Variants in TRIM5 observed in about 807,000 individuals in gnomAD.
The protein encoded by TRIM5 is tripartite motif-containing protein 5.
In TRIM5, 31 loss-of-function variants were observed where a neutral mutation model predicts 35.6. That is an observed-to-expected ratio of 0.87 (90% CI 0.65 to 1.18). The LOEUF (loss-of-function observed/expected upper bound fraction) is 1.18. TRIM5 is among the 50% of genes most tolerant of loss of function. The pLI, the probability that TRIM5 is intolerant of heterozygous loss-of-function variation, is 0.00. For synonymous variants in TRIM5, 243 were observed against 215.6 expected, an observed-to-expected ratio of 1.13 and a Z score of -1.11; for missense variants, 609 against 591.6, an observed-to-expected ratio of 1.03 and a Z score of -0.31.
At chr11:5,629,304 G>T in the TRIM5 span, among the ~76,000 whole-genome samples, 4 of 152,054 alleles carry the variant, frequency 2.6e-5, no homozygotes, top group East Asian at 3.9e-4. Context: ...ACAGGTCATT[G>T]AATTTAGGGC....
chr11:5,625,318 C>A, the TRIM5 span, among the ~76,000 whole-genome samples: 1 of 152,186 alleles, frequency 6.6e-6, no homozygotes, highest in Non-Finnish European at 1.5e-5. Flanking sequence ...CAGGCTGAAT[C>A]TATTTCCATT....
the TRIM5 span, among the ~76,000 whole-genome samples, chr11:5,607,846 C>A: frequency 1.3e-5 from 2 of 152,206 alleles, no homozygotes; most frequent in Non-Finnish European, 2.9e-5. Flanking sequence ...TAATCAAAAT[C>A]ATAAGGAAAG....
At chr11:5,629,844 A>T in the TRIM5 span, among the ~76,000 whole-genome samples, 22 of 152,070 alleles carry the variant, frequency 1.4e-4, no homozygotes, top group Non-Finnish European at 3.1e-4. Context: ...AGTAGCTGGG[A>T]CTACAGGCGC....
At chr11:5,591,895 C>CG in the TRIM5 span, among the ~76,000 whole-genome samples, 7 of 145,458 alleles carry the variant, frequency 4.8e-5, no homozygotes, top group Admixed American at 4.9e-4. Flanking sequence ...CCTTTAGCCC[C>CG]GGGGGGCTGT....
the TRIM5 span, chr11:5,603,372 G>T: frequency 1.2e-6 from 2 of 1,613,984 alleles, no homozygotes; most frequent in South Asian, 1.1e-5. Flanking sequence ...TCTGCCTGGA[G>T]CTCCTAACAG....
chr11:5,596,463 T>A, the TRIM5 span, among the ~76,000 whole-genome samples: 1 of 149,230 alleles, frequency 6.7e-6, no homozygotes, highest in East Asian at 2.0e-4. Flanking sequence ...CTGCAAACCA[T>A]TTTGTCAGGC....
chr11:5,670,290 G>C (rs921600142), intron 4 of TRIM5, among the ~76,000 whole-genome samples: 1 of 143,068 alleles, frequency 7.0e-6, no homozygotes, highest in African/African-American at 2.6e-5. Context: ...CCATTCTCCT[G>C]TTTCAGCCTC....
Position 5,665,105 on chromosome 11 carries a change from T to A in TRIM5, c.1186A>T (p.Lys396Ter), listed in dbSNP as rs1330727409. ...NIEKNENYQP[K>*]YGYWVIGLEE... The stretch of plus-strand genomic sequence containing the variant: ...AACCCTATAACCCAGTAGCCGTATT[T>A]AGGTTGATAATTTTCATTTTTTTCA... The change falls in exon 8 of 8, where the codon AAA becomes TAA. Residue 396 changes from lysine to a stop codon, truncating the protein, a stop_gained. Coordinates refer to ENST00000380034, the MANE Select transcript of TRIM5 (RefSeq NM_033034.3). LOFTEE classifies it low-confidence loss of function (END_TRUNC). 1.9e-6 allele frequency: 3 copies of A among 1,614,076 alleles called. No individual in the cohort carries two copies.
chr11:5,638,765 G>A, the TRIM5 span, among the ~76,000 whole-genome samples: 1 of 151,422 alleles, frequency 6.6e-6, no homozygotes, highest in African/African-American at 2.4e-5. Flanking sequence ...ATGTAGTATT[G>A]TACCTGTACA....
At chr11:5,660,902 C>T (rs954279810), downstream of TRIM5, among the ~76,000 whole-genome samples, 7 of 151,404 alleles carry the variant, frequency 4.6e-5, no homozygotes, top group African/African-American at 1.7e-4. Flanking sequence ...ATTAGCTGGG[C>T]ATGGTGGCAG....
At chr11:5,638,823 GACTTGGAA>G in the TRIM5 span, among the ~76,000 whole-genome samples, 5 of 152,172 alleles carry the variant, frequency 3.3e-5, no homozygotes, top group African/African-American at 9.7e-5. Context: ...GATGCAGACA[GACTTGGAA>G]AAGAAGGGAG....
the TRIM5 span, among the ~76,000 whole-genome samples, chr11:5,599,061 A>G: frequency 1.3e-5 from 2 of 152,204 alleles, no homozygotes; most frequent in African/African-American, 4.8e-5. Context: ...GCATCATACA[A>G]TAACTTAAAT....
At chr11:5,621,380 T>G in the TRIM5 span, among the ~76,000 whole-genome samples, 1 of 152,224 alleles carries the variant, frequency 6.6e-6, no homozygotes, top group Non-Finnish European at 1.5e-5. Context: ...AAACAAGCCT[T>G]GAGGATATGA....
At chr11:5,684,330 T>C (rs1487790744) in intron 1 of TRIM5, among the ~76,000 whole-genome samples, 1 of 152,216 alleles carries the variant, frequency 6.6e-6, no homozygotes, top group Non-Finnish European at 1.5e-5. Flanking sequence ...GGAGCTCTCT[T>C]ACTCTCCACT....
chr11:5,642,669 A>T, the TRIM5 span: 1 of 1,343,904 alleles, frequency 7.4e-7, no homozygotes, highest in South Asian at 1.5e-5. Context: ...GTAAGGAAAA[A>T]TGGCTAGGTC....
chr11:5,631,075 C>A, the TRIM5 span, among the ~76,000 whole-genome samples: 1 of 152,166 alleles, frequency 6.6e-6, no homozygotes, highest in Non-Finnish European at 1.5e-5. Flanking sequence ...TATTTCTATT[C>A]CTCGATGATC....
chr11:5,668,094 G>A (rs1194834146), intron 4 of TRIM5, among the ~76,000 whole-genome samples: 3 of 151,974 alleles, frequency 2.0e-5, no homozygotes, highest in African/African-American at 4.8e-5. Context: ...TAGCATGACC[G>A]CATCTCTACA....
the TRIM5 span, chr11:5,603,334 G>T: frequency 6.2e-7 from 1 of 1,613,980 alleles, no homozygotes; most frequent in African/African-American, 1.3e-5. Context: ...AGTACTGGTG[G>T]ACATACGAGA....
the TRIM5 span, chr11:5,641,091 T>C: frequency 4.0e-6 from 6 of 1,502,902 alleles, no homozygotes; most frequent in African/African-American, 7.0e-5. Context: ...TTTTTTTTCC[T>C]ACTGTTCTTC....
Sources: allele counts gnomAD v4.1 joint callset (sites outside exome capture counted in the v4.1 genomes callset), GRCh38; gene constraint gnomAD v4.1.1; transcripts MANE v1.5; gene names NCBI Gene and HGNC (gene_info 2026-07-23, HGNC 2026-07-21).